The following THRA variants were observed in gnomAD, a reference collection of about 807,000 sequenced individuals.
The protein encoded by THRA is thyroid hormone receptor alpha, also known as EAR-7.
Under a neutral mutation model 45.0 loss-of-function variants are expected in THRA, and 13 were observed. The observed-to-expected ratio is 0.29, with a 90% confidence interval of 0.19 to 0.46. THRA has a LOEUF of 0.46. Among genes scored for constraint, THRA ranks in the 20% least tolerant of loss-of-function variants. The pLI, the probability that THRA is intolerant of heterozygous loss-of-function variation, is 1.00. For missense variants in THRA, 278 were observed against 556.1 expected (o/e 0.50, Z 5.03); for synonymous variants, 195 against 214.0 (o/e 0.91, Z 0.78).
chr17:40,088,197 G>C, intron 7 of THRA, 45 bp from the exon 8 acceptor site: 1 of 1,545,960 alleles, frequency 6.5e-7, no homozygotes, highest in Non-Finnish European at 8.7e-7. Flanking sequence ...TCAAGGACGC[G>C]GGGAGGGGTA....
rs896701225 is a variant in THRA at position 40,092,321 on chromosome 17, G to GT, written c.*2865_*2866insT. 1 of 151,666 alleles carries GT rather than the reference G, an allele frequency of 6.6e-6. No individual in the cohort carries two copies. The highest frequency in any genetic ancestry group is 1.5e-5 in the Non-Finnish European group (1 of 67,962). The allele number at this position is 151,666 out of a possible 1,614,324, so 9.4% of individuals were successfully genotyped here. On this transcript the variant is annotated 3_prime_UTR_variant, in exon 9 of 9. Transcript: ENST00000450525. ...TCCTGCCCTGGGAACTCCTGGGCGG[G>GT]GGGGAGGGGGACACTGCCCAGAGGC...
At chr17:40,084,845 G>A in intron 6 of THRA, 30 bp downstream of exon 6, 1 of 1,609,472 alleles carries the variant, frequency 6.2e-7, no homozygotes. Flanking sequence ...GGGGAGAGCA[G>A]TAGCCAGGTG....
At chr17:40,085,523 A>C (rs966621044) in intron 6 of THRA, among the ~76,000 whole-genome samples, 1 of 151,638 alleles carries the variant, frequency 6.6e-6, no homozygotes, top group South Asian at 2.1e-4. Flanking sequence ...TAGTAGAGAC[A>C]GGGTTTCACC....
At chr17:40,086,683 G>C in intron 6 of THRA, 24 bp from the exon 7 acceptor site, 1 of 1,607,742 alleles carries the variant, frequency 6.2e-7, no homozygotes, top group Non-Finnish European at 8.5e-7. Context: ...TGCGGCCCCA[G>C]CTGACCCCCG....
At position 40,075,687 on chromosome 17, in the gene THRA, A is replaced by G. The variant is rs143690900; in HGVS notation, c.53+1146A>G. On this transcript the variant is annotated intron_variant, in intron 2 of 8. Transcript: ENST00000450525. Reference sequence around the variant, plus strand: ...CATCACCTTCCCCTCCCCCATGTCTATGCGCCACCTTGTGGCTATCTCTAG... The same window carrying G: ...CATCACCTTCCCCTCCCCCATGTCTGTGCGCCACCTTGTGGCTATCTCTAG... 2.7e-3 allele frequency among the ~76,000 whole-genome samples: 403 copies of G among 151,814 alleles called. 2 individuals are homozygous for G. The highest frequency in any genetic ancestry group is 8.2e-3 in the African/African-American group (339 of 41,388).
At chr17:40,067,776 G>C (rs1218226896) in intron 1 of THRA, among the ~76,000 whole-genome samples, 1 of 152,120 alleles carries the variant, frequency 6.6e-6, no homozygotes, top group East Asian at 1.9e-4. Context: ...TCAATATTTT[G>C]GGAGGCCAAG....
chr17:40,072,974 T>G (rs1380980542), intron 1 of THRA, among the ~76,000 whole-genome samples: 2 of 152,198 alleles, frequency 1.3e-5, no homozygotes, highest in South Asian at 2.1e-4. Flanking sequence ...GGGCCACTTT[T>G]CTGTGCAATG....
chr17:40,069,610 G>T (rs1370210999), intron 1 of THRA, among the ~76,000 whole-genome samples: 1 of 152,110 alleles, frequency 6.6e-6, no homozygotes, highest in East Asian at 1.9e-4. Context: ...AGGGTGGGGA[G>T]AATGTGCCGT....
At chr17:40,065,564 C>G (rs1008343262) in intron 1 of THRA, among the ~76,000 whole-genome samples, 9 of 152,198 alleles carry the variant, frequency 5.9e-5, no homozygotes, top group African/African-American at 1.9e-4. Context: ...CTGTCCTTGT[C>G]TCAGAGCTGG....
chr17:40,076,842 G>A (rs751304984), intron 2 of THRA, 29 bp from the exon 3 acceptor site: 4 of 1,613,064 alleles, frequency 2.5e-6, no homozygotes, highest in South Asian at 2.2e-5. Context: ...AGACTGCTCT[G>A]TGATTCTGCC....
intron 1 of THRA, among the ~76,000 whole-genome samples, chr17:40,071,805 G>A (rs1366441582): frequency 6.6e-6 from 1 of 152,184 alleles, no homozygotes; most frequent in African/African-American, 2.4e-5. Context: ...CTCCCCACAT[G>A]CTGGGCCCTC....
intron 4 of THRA, among the ~76,000 whole-genome samples, chr17:40,083,192 G>A (rs1211214416): frequency 1.3e-5 from 2 of 152,088 alleles, no homozygotes; most frequent in African/African-American, 4.8e-5. Flanking sequence ...CTCCCAAAGT[G>A]CTGGGATTAC....
chr17:40,075,594 CTG>C (rs1170903728), intron 2 of THRA, among the ~76,000 whole-genome samples: 1 of 152,242 alleles, frequency 6.6e-6, no homozygotes, highest in Non-Finnish European at 1.5e-5. Flanking sequence ...CTGGAAGAGT[CTG>C]TGCTTAATGT....
Position 40,092,387 on chromosome 17 carries a change from G to C in THRA, c.*2931G>C, listed in dbSNP as rs959052938. 2 of 152,182 alleles carry C rather than the reference G, an allele frequency of 1.3e-5. No individual in the cohort carries two copies. Among genetic ancestry groups the C allele is most frequent in the Admixed American group, 1.3e-4 (2 of 15,296 alleles). The allele number at this position is 152,182 out of a possible 1,614,324, so 9.4% of individuals were successfully genotyped here. A position where few individuals can be genotyped will look rare whatever the true frequency, so the allele number is the denominator to read the frequency against. ...AGAAGCTGGTGCTGGGCTGGGGGGA[G>C]GGGGGTTGTGGCCAGAAACAGGGAA... is the stretch of plus-strand genomic sequence containing the variant. On this transcript the variant is annotated 3_prime_UTR_variant, in exon 9 of 9. Transcript: ENST00000450525.
Position 40,089,320 on chromosome 17 carries a change from A to G in THRA, c.1097A>G (p.Lys366Arg). The G allele has an allele frequency of 6.2e-7, 1 of 1,614,076 alleles. No individual in the cohort carries two copies. Among genetic ancestry groups the G allele is most frequent in the African/African-American group, 1.3e-5 (1 of 75,008 alleles). Residue 366 changes from lysine (K) to arginine (R), a missense_variant, in exon 9 of 9, where the codon AAG becomes AGG. Coordinates refer to ENST00000450525, the MANE Select transcript of THRA (RefSeq NM_199334.5). The surrounding 1 kb of genome is among the most constrained non-coding windows in gnomAD (Gnocchi z 6.1). ...RKHNIPHFWP[K>R]LLMKVTDLRM... ...CACAACATTCCGCACTTCTGGCCCA[A>G]GCTGCTGATGAAGGTGACTGACCTC...
chr17:40,092,390 G>C lies in THRA; in HGVS notation c.*2934G>C, dbSNP rs1987607760. On this transcript the variant is annotated 3_prime_UTR_variant, in exon 9 of 9. Coordinates refer to ENST00000450525, the MANE Select transcript of THRA (RefSeq NM_199334.5). ...AGCTGGTGCTGGGCTGGGGGGAGGG[G>C]GGTTGTGGCCAGAAACAGGGAAGGA... is the stretch of plus-strand genomic sequence containing the variant. The C allele has an allele frequency of 6.6e-6, 1 of 152,078 alleles. No individual in the cohort carries two copies. The highest frequency in any genetic ancestry group is 2.1e-4 in the South Asian group (1 of 4,826). The allele number at this position is 152,078 out of a possible 1,614,324, so 9.4% of individuals were successfully genotyped here.
intron 5 of THRA, 34 bp from the exon 6 acceptor site, chr17:40,084,576 C>G (rs1598396171): frequency 1.9e-6 from 3 of 1,605,082 alleles, no homozygotes; most frequent in Middle Eastern, 1.7e-4. Flanking sequence ...ATGGAGGGTG[C>G]CATGCGTTAG....
At chr17:40,075,165 AC>A (rs1184969309) in intron 2 of THRA, among the ~76,000 whole-genome samples, 1 of 152,248 alleles carries the variant, frequency 6.6e-6, no homozygotes, top group Non-Finnish European at 1.5e-5. Flanking sequence ...AGGGATGGTT[AC>A]CTGTGATCTG....
Position 40,089,199 on chromosome 17 carries a change from C to A in THRA, c.983-7C>A. The A allele has an allele frequency of 1.2e-6, 2 of 1,613,590 alleles. No individual in the cohort carries two copies. Among genetic ancestry groups the A allele is most frequent in the South Asian group, 1.1e-5 (1 of 91,060 alleles). ...CCCTCGCCCCTCACGCCCCTCTTCCCTCACAGACCGCTCGGGCCTGCTGTG... is the reference window on the plus strand; with the variant it reads ...CCCTCGCCCCTCACGCCCCTCTTCCATCACAGACCGCTCGGGCCTGCTGTG... On this transcript the variant is annotated splice_region_variant and splice_polypyrimidine_tract_variant and intron_variant, in intron 8 of 8. Transcript: ENST00000450525. This position sits in a 1 kb window ranked among gnomAD's most constrained non-coding sequence, Gnocchi z 6.1.
Sources: gnomAD v4.1 joint callset for allele counts (sites outside exome capture counted in the v4.1 genomes callset) on GRCh38, gnomAD v4.1.1 for gene constraint, Gnocchi (gnomAD v3.1) non-coding constraint, MANE v1.5 for transcripts, NCBI Gene and HGNC (gene_info 2026-07-23, HGNC 2026-07-21) for gene names.